Variants in WWOX observed in about 807,000 individuals in gnomAD.
The protein encoded by WWOX is WW domain-containing oxidoreductase.
A neutral mutation model predicts 46.2 loss-of-function variants in WWOX; 69 were observed. The observed-to-expected ratio is 1.49, with a 90% CI of 1.23 to 1.82. The LOEUF (loss-of-function observed/expected upper bound fraction) is 1.82, where lower values mean the gene tolerates loss of function less well. Among genes scored for constraint, WWOX ranks in the 40% most tolerant of loss-of-function variants. The pLI, the probability that WWOX is intolerant of heterozygous loss-of-function variation, is 0.00. For missense variants in WWOX, 919 were observed against 542.6 expected (o/e 1.69, Z -6.89); for synonymous variants, 359 against 202.6 (o/e 1.77, Z -6.56).
chr16:78,289,247 C>T (rs1015524969), intron 5 of WWOX, among the ~76,000 whole-genome samples: 3 of 152,024 alleles, frequency 2.0e-5, no homozygotes, highest in Non-Finnish European at 2.9e-5. Context: ...TTTTTTAAGG[C>T]GTTTTTAGTG....
Position 78,463,109 on chromosome 16 carries a change from C to G in WWOX, c.1056+30357C>G, listed in dbSNP as rs1781830900. ...TGTTTCATGTCAGATCCGTATCCCA[C>G]TGCAATTCTGTGTTACTGTAGGAGA... On this transcript the variant is annotated intron_variant, in intron 8 of 8. Coordinates refer to ENST00000566780, the MANE Select transcript of WWOX (RefSeq NM_016373.4). Among the ~76,000 whole-genome samples the G allele has an allele frequency of 2.0e-5, 3 of 152,178 alleles. No individual in the cohort carries two copies. In the South Asian group the frequency reaches 6.2e-4, roughly 32 times the overall value.
chr16:78,459,476 AG>A (rs2083901765), intron 8 of WWOX, among the ~76,000 whole-genome samples: 1 of 152,126 alleles, frequency 6.6e-6, no homozygotes, highest in Non-Finnish European at 1.5e-5. Context: ...CTAACTATCA[AG>A]GTCATGCGGT....
intron 8 of WWOX, among the ~76,000 whole-genome samples, chr16:78,682,838 C>G (rs1418237117): frequency 6.6e-6 from 1 of 152,188 alleles, no homozygotes; most frequent in African/African-American, 2.4e-5. Flanking sequence ...GCCTTAATGC[C>G]TGCTGCAAAT....
chr16:78,802,945 A>AAAAAAAAAAAAAAAAAAAAG lies in WWOX; in HGVS notation c.1056+370193_1056+370194insAAAAAAAAAAAAAAAAAAAG, dbSNP rs1567570853. Among the ~76,000 whole-genome samples, 2 of 24,022 alleles carry AAAAAAAAAAAAAAAAAAAAG rather than the reference A, an allele frequency of 8.3e-5. 1 individual carries two copies. 15.8% of individuals were successfully genotyped at this position (24,022 alleles called of 152,430 possible). A position where few individuals can be genotyped will look rare whatever the true frequency, so the allele number is the denominator to read the frequency against. ...AAAAAAAAAAAAAAAAAAAAAAACAACAAACAGAAAAATGAACGAGTGAGT... is the reference window on the plus strand; with the variant it reads ...AAAAAAAAAAAAAAAAAAAAAAACAAAAAAAAAAAAAAAAAAAAAGCAAACAGAAAAATGAACGAGTGAGT... On this transcript the variant is annotated intron_variant, in intron 8 of 8. Transcript: ENST00000566780.
At chr16:78,106,797 A>C (rs373866882) in intron 1 of WWOX, among the ~76,000 whole-genome samples, 11 of 152,278 alleles carry the variant, frequency 7.2e-5, no homozygotes, top group African/African-American at 2.6e-4. Context: ...CTGATACCGT[A>C]GCTGGTACAA....
At chr16:78,374,067 G>T (rs902271444) in intron 5 of WWOX, among the ~76,000 whole-genome samples, 2 of 152,236 alleles carry the variant, frequency 1.3e-5, no homozygotes, top group African/African-American at 4.8e-5. Flanking sequence ...GATTATAGGC[G>T]TGAGCCATTA....
intron 8 of WWOX, among the ~76,000 whole-genome samples, chr16:78,782,446 G>C (rs1022353182): frequency 6.6e-5 from 10 of 152,140 alleles, no homozygotes; most frequent in Non-Finnish European, 1.5e-5. Flanking sequence ...ACCAACATTG[G>C]TATTCCACAG....
intron 8 of WWOX, among the ~76,000 whole-genome samples, chr16:79,094,344 G>T (rs1255547705): frequency 1.3e-5 from 2 of 151,032 alleles, no homozygotes; most frequent in Non-Finnish European, 2.9e-5. Flanking sequence ...AACTCCAACT[G>T]GTTCAAGCAA....
In WWOX at chr16:78,861,829, A is replaced by T. The variant is rs145728945; in HGVS notation, c.1057-349779A>T. Among the ~76,000 whole-genome samples, 167 of 152,332 alleles carry T rather than the reference A, an allele frequency of 1.1e-3. 3 individuals are homozygous for T. The East Asian group carries it at 0.026, about 24-fold the overall frequency. The stretch of plus-strand genomic sequence containing the variant: ...TGTTGAAATAGGTAAAGCACAAAAG[A>T]AATTAAATACACCATGTTTCCAGGC... On this transcript the variant is annotated intron_variant, in intron 8 of 8. Transcript: ENST00000566780.
intron 8 of WWOX, among the ~76,000 whole-genome samples, chr16:78,943,417 C>T (rs905386404): frequency 6.6e-6 from 1 of 152,108 alleles, no homozygotes; most frequent in Admixed American, 6.5e-5. Flanking sequence ...GCCAGATAAC[C>T]CATCCAGACC....
intron 8 of WWOX, among the ~76,000 whole-genome samples, chr16:78,947,735 C>G (rs1230283685): frequency 1.3e-5 from 2 of 152,136 alleles, no homozygotes; most frequent in African/African-American, 2.4e-5. Context: ...GAATGTGCCA[C>G]CTAGATGCTA....
At position 79,026,518 on chromosome 16, in the gene WWOX, CCA is replaced by C. The variant is rs528391330; in HGVS notation, c.1057-185089_1057-185088del. ...CATTGATCAGGGTCCATTTTCTGCT[CCA>C]GACAATGATCTCTATCTAGAAAGAA... On this transcript the variant is annotated intron_variant, in intron 8 of 8. Transcript: ENST00000566780. 8.2e-3 allele frequency among the ~76,000 whole-genome samples: 1,239 copies of C among 151,652 alleles called. 3 individuals are homozygous for C. Among genetic ancestry groups the C allele is most frequent in the Non-Finnish European group, 0.011 (780 of 67,994 alleles).
chr16:78,620,037 C>A (rs2046139507), intron 8 of WWOX, among the ~76,000 whole-genome samples: 1 of 152,210 alleles, frequency 6.6e-6, no homozygotes, highest in South Asian at 2.1e-4. Context: ...CTAACGTCAG[C>A]TTCCTTTTCT....
intron 8 of WWOX, among the ~76,000 whole-genome samples, chr16:78,703,465 A>G (rs1014905869): frequency 4.0e-5 from 6 of 150,478 alleles, no homozygotes; most frequent in Non-Finnish European, 8.9e-5. Context: ...TTTTTTTTTT[A>G]ATTAGCTGGG....
chr16:78,955,437 G>T (rs1483473954), intron 8 of WWOX, among the ~76,000 whole-genome samples: 1 of 152,106 alleles, frequency 6.6e-6, no homozygotes, highest in Non-Finnish European at 1.5e-5. Context: ...GAGAGCTTGG[G>T]CCAAAAGAGA....
At chr16:78,281,874 C>G (rs1053272367) in intron 5 of WWOX, among the ~76,000 whole-genome samples, 7 of 152,154 alleles carry the variant, frequency 4.6e-5, no homozygotes, top group African/African-American at 1.7e-4. Context: ...ATCGAGGTCC[C>G]CTCTTTATTT....
At chr16:78,377,153 ACTGTTG>A (rs768079983) in intron 5 of WWOX, among the ~76,000 whole-genome samples, 9 of 152,170 alleles carry the variant, frequency 5.9e-5, no homozygotes, top group Admixed American at 1.3e-4. Context: ...GAATATACAG[ACTGTTG>A]CTGTTGAGAA....
intron 8 of WWOX, among the ~76,000 whole-genome samples, chr16:78,956,984 C>T (rs75621947): frequency 6.6e-6 from 1 of 152,144 alleles, no homozygotes; most frequent in African/African-American, 2.4e-5. Flanking sequence ...TCGGTGAGAA[C>T]AAATTTCCTG....
intron 6 of WWOX, among the ~76,000 whole-genome samples, chr16:78,408,341 C>T (rs2082598339): frequency 1.3e-5 from 2 of 152,072 alleles, no homozygotes; most frequent in African/African-American, 2.4e-5. Flanking sequence ...TAGCATGTAC[C>T]CTCCATTCTG....
Sources: gnomAD v4.1 joint callset for allele counts (sites outside exome capture counted in the v4.1 genomes callset) on GRCh38, gnomAD v4.1.1 for gene constraint, MANE v1.5 for transcripts, NCBI Gene and HGNC (gene_info 2026-07-23, HGNC 2026-07-21) for gene names.